The following IGSF11 variants were observed in gnomAD, a reference collection of about 807,000 sequenced individuals.
IGSF11 encodes immunoglobulin superfamily member 11, also known as CXADR like 1.
In IGSF11, 22 loss-of-function variants were observed where a neutral mutation model predicts 41.0. The ratio of observed to expected loss-of-function variants is 0.54; its 90% CI spans 0.38 to 0.77. IGSF11 has a LOEUF of 0.77. IGSF11 is among the 30% of genes least tolerant of loss of function. IGSF11 has a pLI of 0.00. For missense variants in IGSF11, 444 were observed against 530.8 expected, an observed-to-expected ratio of 0.84 and a Z score of 1.61; for synonymous variants, 219 against 201.3, an observed-to-expected ratio of 1.09 and a Z score of -0.74.
chr3:119,013,218 G>A (rs1012359371), intron 1 of IGSF11: 2 of 152,148 alleles, frequency 1.3e-5, no homozygotes, highest in Non-Finnish European at 2.9e-5. Context: ...CATCCTTCTA[G>A]GCTCACTTCT....
intron 1 of IGSF11, among the ~76,000 whole-genome samples, chr3:118,998,808 G>A (rs927329937): frequency 1.3e-5 from 2 of 151,996 alleles, no homozygotes; most frequent in African/African-American, 2.4e-5. Context: ...TTTAAAAGTT[G>A]ACAAATGGTA....
intron 1 of IGSF11, among the ~76,000 whole-genome samples, chr3:119,068,684 T>C (rs1478771655): frequency 6.6e-6 from 1 of 152,162 alleles, no homozygotes; most frequent in Non-Finnish European, 1.5e-5. Flanking sequence ...TAGTAAATAA[T>C]TTATTTACTG....
At chr3:118,959,392 G>A (rs1294225994) in intron 1 of IGSF11, among the ~76,000 whole-genome samples, 1 of 152,156 alleles carries the variant, frequency 6.6e-6, no homozygotes, top group Non-Finnish European at 1.5e-5. Context: ...GAAAAACAGG[G>A]AGAAGAATAA....
upstream of IGSF11, among the ~76,000 whole-genome samples, chr3:119,036,393 C>G (rs891251617): frequency 3.3e-5 from 5 of 152,172 alleles, no homozygotes; most frequent in African/African-American, 1.2e-4. Flanking sequence ...CTCACCCTCT[C>G]TTGTACATAT....
intron 1 of IGSF11, among the ~76,000 whole-genome samples, chr3:118,999,998 A>G (rs1338748090): frequency 2.0e-5 from 3 of 150,350 alleles, no homozygotes; most frequent in Non-Finnish European, 4.4e-5. Context: ...AGATACTCCC[A>G]CTATTCATCC....
At chr3:119,067,770 T>C (rs1458344128) in intron 1 of IGSF11, among the ~76,000 whole-genome samples, 10 of 152,214 alleles carry the variant, frequency 6.6e-5, no homozygotes, top group Non-Finnish European at 1.5e-4. Flanking sequence ...AGCAGGATCC[T>C]CAATCCATGC....
At chr3:119,069,095 T>C (rs1942323903) in intron 1 of IGSF11, among the ~76,000 whole-genome samples, 2 of 151,332 alleles carry the variant, frequency 1.3e-5, no homozygotes, top group African/African-American at 4.9e-5. Context: ...CCTGGCTAAT[T>C]TTTTTGTATT....
intron 1 of IGSF11, chr3:118,946,068 A>G (rs1944105513): frequency 6.6e-6 from 1 of 152,108 alleles, no homozygotes; most frequent in Non-Finnish European, 1.5e-5. Context: ...CCAGATACAG[A>G]GAAGAACTTT....
Position 119,029,272 on chromosome 3 carries a change from A to ACACACACC in IGSF11, c.52+5258_52+5259insGGTGTGTG, listed in dbSNP as rs1361001947. On this transcript the variant is annotated intron_variant, in intron 1 of 6. Coordinates refer to ENST00000393775, the MANE Select transcript of IGSF11 (RefSeq NM_001015887.3). ...CACACACACACACACACACACACAC[A>ACACACACC]CACCCGAGAGAGAGAGAGAATGCGA... Among the ~76,000 whole-genome samples, 86 of 145,320 alleles carry ACACACACC rather than the reference A, an allele frequency of 5.9e-4. 1 individual carries two copies. Among genetic ancestry groups the ACACACACC allele is most frequent in the Non-Finnish European group, 7.9e-4 (52 of 65,694 alleles).
chr3:119,127,200 C>A (rs116998893), intron 1 of IGSF11, among the ~76,000 whole-genome samples: 7,358 of 152,016 alleles, frequency 0.048, 219 homozygotes, highest in South Asian at 0.095. Context: ...CCTGATGGAG[C>A]TGCAAAACAC....
intron 1 of IGSF11, among the ~76,000 whole-genome samples, chr3:119,053,926 C>CTA (rs1199629466): frequency 1.3e-5 from 2 of 152,142 alleles, no homozygotes; most frequent in Non-Finnish European, 2.9e-5. Context: ...AAAGGACCCC[C>CTA]TATTCAACAA....
chr3:119,090,483 G>T (rs1209396893), intron 1 of IGSF11, among the ~76,000 whole-genome samples: 1 of 152,050 alleles, frequency 6.6e-6, no homozygotes, highest in African/African-American at 2.4e-5. Context: ...ACTTCAAACT[G>T]CCCTATAAAG....
chr3:119,139,675 G>T (rs2077614114), intron 1 of IGSF11, among the ~76,000 whole-genome samples: 1 of 152,110 alleles, frequency 6.6e-6, no homozygotes, highest in Non-Finnish European at 1.5e-5. Context: ...CCAGTCTCGG[G>T]TATGTCTTTA....
At chr3:119,074,277 C>T (rs2076454123) in intron 1 of IGSF11, among the ~76,000 whole-genome samples, 1 of 152,014 alleles carries the variant, frequency 6.6e-6, no homozygotes, top group African/African-American at 2.4e-5. Flanking sequence ...AAACACTTCT[C>T]AACAAATTTA....
chr3:118,953,203 G>C (rs1238632841), intron 1 of IGSF11, among the ~76,000 whole-genome samples: 2 of 152,036 alleles, frequency 1.3e-5, no homozygotes, highest in East Asian at 1.9e-4. Context: ...GCTCCATCCA[G>C]GTTGCTGTAA....
At position 118,901,890 on chromosome 3, in the gene IGSF11, C is replaced by T. The variant is rs1285161130; in HGVS notation, c.*630G>A. On this transcript the variant is annotated 3_prime_UTR_variant, in exon 7 of 7. Coordinates refer to ENST00000393775, the MANE Select transcript of IGSF11 (RefSeq NM_001015887.3). ...ATAGCAATATTCCACATATGAAATTCATGGTTCAGGAAGAGATAAATAAAT... is the reference window on the plus strand; with the variant it reads ...ATAGCAATATTCCACATATGAAATTTATGGTTCAGGAAGAGATAAATAAAT... 1 of 152,074 alleles carries T rather than the reference C, an allele frequency of 6.6e-6. No individual in the cohort carries two copies. The highest frequency in any genetic ancestry group is 1.5e-5 in the Non-Finnish European group (1 of 68,030). 9.4% of individuals were successfully genotyped at this position (152,074 alleles called of 1,614,324 possible).
In IGSF11 at chr3:118,930,285, A is replaced by C. The variant is rs780305081; in HGVS notation, c.53-10T>G. The C allele has an allele frequency of 9.9e-6, 16 of 1,608,922 alleles. No individual in the cohort carries two copies. The South Asian group carries it at 1.8e-4, about 18-fold the overall frequency. ...AGGGATGCTGCAACACCTACAGAAG[A>C]AGGAACAGGGAGGTTATATGCTCGC... On this transcript the variant is annotated splice_polypyrimidine_tract_variant and intron_variant, in intron 1 of 6. Coordinates refer to ENST00000393775, the MANE Select transcript of IGSF11 (RefSeq NM_001015887.3).
At chr3:119,094,711 G>T (rs753879442) in intron 1 of IGSF11, among the ~76,000 whole-genome samples, 153 of 140,890 alleles carry the variant, frequency 1.1e-3, no homozygotes, top group Middle Eastern at 3.8e-3. Context: ...CACTCTTGTC[G>T]CCCAGGCTGG....
intron 1 of IGSF11, among the ~76,000 whole-genome samples, chr3:119,001,339 C>A (rs866653036): frequency 1.3e-4 from 19 of 151,560 alleles, no homozygotes; most frequent in African/African-American, 4.6e-4. Flanking sequence ...TCCACATGGG[C>A]AGGGAACTTC....
Sources: allele counts gnomAD v4.1 joint callset (sites outside exome capture counted in the v4.1 genomes callset), GRCh38; gene constraint gnomAD v4.1.1; transcripts MANE v1.5; gene names NCBI Gene and HGNC (gene_info 2026-07-23, HGNC 2026-07-21).